Variants in SAMTOR observed in about 807,000 individuals in gnomAD.
The protein encoded by SAMTOR is S-adenosylmethionine sensor upstream of mTORC1, also known as UPF0532 protein C7orf60.
chr7:112,822,195 C>T, the SAMTOR span: 3 of 1,613,682 alleles, frequency 1.9e-6, no homozygotes, highest in Non-Finnish European at 2.5e-6. Context: ...GCAAATCCAT[C>T]GCTGGTAAGG....
chr7:112,893,688 G>A, the SAMTOR span, among the ~76,000 whole-genome samples: 9 of 152,182 alleles, frequency 5.9e-5, no homozygotes, highest in Non-Finnish European at 1.0e-4. Context: ...TGGATCACGA[G>A]GTCAAGAGAT....
At chr7:112,842,767 T>C in the SAMTOR span, among the ~76,000 whole-genome samples, 1 of 151,984 alleles carries the variant, frequency 6.6e-6, no homozygotes, top group Non-Finnish European at 1.5e-5. Context: ...ATGTTAAGTA[T>C]GCTAAAGACA....
chr7:112,926,722 G>A, the SAMTOR span, among the ~76,000 whole-genome samples: 1 of 152,022 alleles, frequency 6.6e-6, no homozygotes. Flanking sequence ...AAATGCTACA[G>A]AAAATAAAGT....
chr7:112,878,956 G>A, the SAMTOR span, among the ~76,000 whole-genome samples: 3 of 152,046 alleles, frequency 2.0e-5, no homozygotes, highest in African/African-American at 7.2e-5. Flanking sequence ...TGAGAATTTA[G>A]AATTGATAGT....
chr7:112,903,760 AGT>A, the SAMTOR span, among the ~76,000 whole-genome samples: 13 of 152,310 alleles, frequency 8.5e-5, no homozygotes, highest in East Asian at 2.5e-3. Context: ...AAGGAAAGAA[AGT>A]GTGAGTCAAG....
chr7:112,936,444 GAA>G, the SAMTOR span, among the ~76,000 whole-genome samples: 8 of 152,062 alleles, frequency 5.3e-5, no homozygotes, highest in Admixed American at 1.3e-4. Flanking sequence ...AGTGGTAAAC[GAA>G]AAGAGTGCAT....
the SAMTOR span, among the ~76,000 whole-genome samples, chr7:112,901,522 T>C: frequency 6.6e-6 from 1 of 152,146 alleles, no homozygotes; most frequent in South Asian, 2.1e-4. Flanking sequence ...TATATTACAA[T>C]GTACTAATAA....
At chr7:112,929,342 T>A in the SAMTOR span, among the ~76,000 whole-genome samples, 1 of 151,850 alleles carries the variant, frequency 6.6e-6, no homozygotes, top group Non-Finnish European at 1.5e-5. Context: ...AGAAGGGTGC[T>A]CAACAAAACT....
the SAMTOR span, among the ~76,000 whole-genome samples, chr7:112,854,054 T>C: frequency 4.6e-5 from 7 of 152,066 alleles, no homozygotes; most frequent in Admixed American, 1.3e-4. Flanking sequence ...GGCTGTTAGA[T>C]GAGAAGTGGG....
the SAMTOR span, among the ~76,000 whole-genome samples, chr7:112,851,015 G>C: frequency 5.9e-5 from 9 of 152,070 alleles, no homozygotes; most frequent in Non-Finnish European, 1.2e-4. Context: ...ATTTAACCAA[G>C]GAGGTGAAAA....
chr7:112,830,682 A>C, the SAMTOR span, among the ~76,000 whole-genome samples: 2 of 152,196 alleles, frequency 1.3e-5, no homozygotes, highest in Non-Finnish European at 2.9e-5. Context: ...AGAGAAAACG[A>C]AAGTAGAAAT....
chr7:112,860,194 A>G, the SAMTOR span, among the ~76,000 whole-genome samples: 1 of 152,226 alleles, frequency 6.6e-6, no homozygotes, highest in Admixed American at 6.5e-5. Context: ...TATACCATAT[A>G]GCCTACAGGT....
the SAMTOR span, among the ~76,000 whole-genome samples, chr7:112,845,578 T>C: frequency 6.6e-6 from 1 of 151,784 alleles, no homozygotes; most frequent in Admixed American, 6.6e-5. Flanking sequence ...TATTAAAAAG[T>C]CAATAACAGA....
the SAMTOR span, chr7:112,832,499 GTGCTT>G: frequency 6.5e-6 from 6 of 930,082 alleles, no homozygotes; most frequent in Non-Finnish European, 1.1e-5. Context: ...TGCAAAGACA[GTGCTT>G]TTCTTTTGTA....
At chr7:112,875,221 T>A in the SAMTOR span, among the ~76,000 whole-genome samples, 26 of 152,146 alleles carry the variant, frequency 1.7e-4, no homozygotes, top group Non-Finnish European at 3.7e-4. Context: ...TCCTTACTTG[T>A]AATAAGTAAC....
At chr7:112,837,735 A>G in the SAMTOR span, among the ~76,000 whole-genome samples, 1 of 151,982 alleles carries the variant, frequency 6.6e-6, no homozygotes, top group Non-Finnish European at 1.5e-5. Flanking sequence ...GGTTCTATAA[A>G]GTGACCATGA....
chr7:112,826,749 T>G, the SAMTOR span, among the ~76,000 whole-genome samples: 11 of 152,170 alleles, frequency 7.2e-5, no homozygotes, highest in Non-Finnish European at 1.5e-4. Flanking sequence ...TGCTATAATT[T>G]TCCCCTAAGT....
the SAMTOR span, among the ~76,000 whole-genome samples, chr7:112,865,601 A>ATG: frequency 2.2e-4 from 32 of 147,336 alleles, no homozygotes; most frequent in African/African-American, 7.1e-4. Flanking sequence ...ATATATATAT[A>ATG]TTTCATATAT....
At chr7:112,865,892 C>T in the SAMTOR span, among the ~76,000 whole-genome samples, 7 of 149,798 alleles carry the variant, frequency 4.7e-5, no homozygotes, top group Non-Finnish European at 1.0e-4. Context: ...GCCCAGGAGT[C>T]CACTATGATG....
Sources: gnomAD v4.1 joint callset for allele counts (sites outside exome capture counted in the v4.1 genomes callset) on GRCh38, gnomAD v4.1.1 for gene constraint, MANE v1.5 for transcripts, NCBI Gene and HGNC (gene_info 2026-07-23, HGNC 2026-07-21) for gene names.